The following SETBP1 variants were observed in gnomAD, a reference collection of about 807,000 sequenced individuals.
SETBP1 encodes SET-binding protein.
SETBP1 carries 9 observed loss-of-function variants against 101.0 expected under a neutral mutation model. That is an observed-to-expected ratio of 0.09 (90% CI 0.05 to 0.16). The LOEUF is 0.16. Among genes scored for constraint, SETBP1 ranks in the 10% least tolerant of loss-of-function variants. SETBP1 has a pLI of 1.00. For synonymous variants in SETBP1, 818 were observed against 788.5 expected (o/e 1.04, Z -0.63); for missense variants, 1,858 against 2,033.8 (o/e 0.91, Z 1.66).
At chr18:44,943,557 C>A (rs868558737) in intron 3 of SETBP1, among the ~76,000 whole-genome samples, 3 of 152,238 alleles carry the variant, frequency 2.0e-5, no homozygotes, top group Admixed American at 2.0e-4. Context: ...TCAGGTTCCA[C>A]GTCCAGAATG....
At chr18:44,971,532 C>T (rs1378561567) in intron 4 of SETBP1, among the ~76,000 whole-genome samples, 1 of 152,226 alleles carries the variant, frequency 6.6e-6, no homozygotes, top group African/African-American at 2.4e-5. Flanking sequence ...TCCTCTCCAG[C>T]AACTGTTGTT....
chr18:44,952,958 T>C lies in SETBP1; in HGVS notation c.3618T>C (p.His1206=), dbSNP rs34882016. 14,611 of 1,613,842 alleles carry C rather than the reference T, an allele frequency of 9.1e-3. 87 individuals are homozygous for C. The highest frequency in any genetic ancestry group is 0.011 in the Non-Finnish European group (12,426 of 1,179,980). ...CGCTGGTGAGTGAGAAGAACAAGCA[T>C]AAGGAGAAACAGAAGCACCAGCACA... ...ELPLVSEKNK[H]KEKQKHQHSE... The change falls in exon 4 of 6, where the codon CAT becomes CAC. Residue 1206 remains histidine, a synonymous_variant. Coordinates refer to ENST00000649279, the MANE Select transcript of SETBP1 (RefSeq NM_015559.3).
rs60965207 is a variant in SETBP1, at chr18:45,016,731, GCACACACACACA to G, written c.4001-21729_4001-21718del. On this transcript the variant is annotated intron_variant, in intron 4 of 5. Coordinates refer to ENST00000649279, the MANE Select transcript of SETBP1 (RefSeq NM_015559.3). ...TGTGAGATTATACACATTGGTGCGCGCACACACACACACACACACACACACACACACACACAG... is the reference window on the plus strand; with the variant it reads ...TGTGAGATTATACACATTGGTGCGCGCACACACACACACACACACACACAG... 3.9e-3 allele frequency among the ~76,000 whole-genome samples: 482 copies of G among 122,846 alleles called. 1 individual carries two copies. Among genetic ancestry groups the G allele is most frequent in the African/African-American group, 0.013 (413 of 31,902 alleles). The allele number at this position is 122,846 out of a possible 152,430, so 80.6% of individuals were successfully genotyped here. A position where few individuals can be genotyped will look rare whatever the true frequency, so the allele number is the denominator to read the frequency against.
intron 2 of SETBP1, among the ~76,000 whole-genome samples, chr18:44,824,738 A>G (rs1025875300): frequency 6.6e-6 from 1 of 152,238 alleles, no homozygotes; most frequent in African/African-American, 2.4e-5. Flanking sequence ...ATGCAATTGA[A>G]AAAAAGAAGG....
chr18:44,695,233 GC>G (rs1490380686), intron 1 of SETBP1, among the ~76,000 whole-genome samples: 4 of 152,110 alleles, frequency 2.6e-5, no homozygotes, highest in Non-Finnish European at 5.9e-5. Context: ...TTCGAAAGAA[GC>G]CAGAACCATT....
intron 3 of SETBP1, chr18:44,869,757 G>A: frequency 4.1e-6 from 1 of 245,556 alleles, no homozygotes; most frequent in Non-Finnish European, 8.1e-6. Context: ...GCTGATCTTG[G>A]TCAGGAAATG....
chr18:44,689,226 G>A (rs1038096077), intron 1 of SETBP1, among the ~76,000 whole-genome samples: 7 of 152,178 alleles, frequency 4.6e-5, no homozygotes, highest in Admixed American at 3.3e-4. Context: ...GTTCAAATGC[G>A]AATTGAGAAT....
At chr18:44,765,510 C>T (rs2070747535) in intron 2 of SETBP1, among the ~76,000 whole-genome samples, 1 of 152,090 alleles carries the variant, frequency 6.6e-6, no homozygotes, top group African/African-American at 2.4e-5. Flanking sequence ...TGATAAATGG[C>T]CAGCAACTTC....
At chr18:44,746,285 C>A (rs1466957113) in intron 2 of SETBP1, among the ~76,000 whole-genome samples, 1 of 152,190 alleles carries the variant, frequency 6.6e-6, no homozygotes, top group Non-Finnish European at 1.5e-5. Context: ...ATGATGCCCA[C>A]ATTTCTGTAA....
Position 44,951,158 on chromosome 18 carries a change from C to T in SETBP1, c.1818C>T (p.Ser606=), listed in dbSNP as rs1168220701. The change falls in exon 4 of 6, where the codon TCC becomes TCT. Residue 606 remains serine, a synonymous_variant. Coordinates refer to ENST00000649279, the MANE Select transcript of SETBP1 (RefSeq NM_015559.3). The surrounding 1 kb of genome is among the most constrained non-coding windows in gnomAD (Gnocchi z 7.8). ...TCGAGACGATTCATGAGGGAACTTC[C>T]ACCAGCCCCGTCAGTCCCATCAGCC... is the stretch of plus-strand genomic sequence containing the variant. ...LTVETIHEGT[S]TSPVSPISRE... 1 of 1,614,124 alleles carries T rather than the reference C, an allele frequency of 6.2e-7. No homozygotes were observed. The highest frequency in any genetic ancestry group is 1.3e-5 in the African/African-American group (1 of 75,006).
At chr18:44,994,629 G>A (rs2072451997) in intron 4 of SETBP1, among the ~76,000 whole-genome samples, 1 of 152,062 alleles carries the variant, frequency 6.6e-6, no homozygotes. Flanking sequence ...CTGAACACTG[G>A]ACACAACTTG....
chr18:45,006,793 T>C (rs2072737669), intron 4 of SETBP1, among the ~76,000 whole-genome samples: 1 of 152,188 alleles, frequency 6.6e-6, no homozygotes, highest in African/African-American at 2.4e-5. Context: ...TACATCTTTT[T>C]AGGGGGACAC....
At chr18:44,754,730 G>A (rs1374668271) in intron 2 of SETBP1, among the ~76,000 whole-genome samples, 1 of 152,198 alleles carries the variant, frequency 6.6e-6, no homozygotes, top group African/African-American at 2.4e-5. Flanking sequence ...ACCCACACCA[G>A]TGTGAACTTT....
intron 2 of SETBP1, among the ~76,000 whole-genome samples, chr18:44,854,962 T>G (rs779737871): frequency 4.6e-5 from 7 of 152,202 alleles, no homozygotes; most frequent in Non-Finnish European, 7.3e-5. Flanking sequence ...ACACTTTGAG[T>G]ACTATTCATG....
chr18:44,801,502 G>A (rs902276821), intron 2 of SETBP1, among the ~76,000 whole-genome samples: 34 of 152,252 alleles, frequency 2.2e-4, no homozygotes, highest in African/African-American at 8.2e-4. Context: ...AGTGTGACAT[G>A]AGTACTGTCA....
chr18:44,943,212 TTTAAA>T (rs1251887709), intron 3 of SETBP1, among the ~76,000 whole-genome samples: 1 of 152,228 alleles, frequency 6.6e-6, no homozygotes, highest in Non-Finnish European at 1.5e-5. Flanking sequence ...TCAGTTTTGT[TTTAAA>T]TTAAATGACA....
At chr18:44,827,651 TAG>T (rs1354340137) in intron 2 of SETBP1, among the ~76,000 whole-genome samples, 1 of 152,212 alleles carries the variant, frequency 6.6e-6, no homozygotes, top group Non-Finnish European at 1.5e-5. Context: ...CATTTTCAGC[TAG>T]AGTTAACAAA....
chr18:44,958,257 A>G (rs373630193), intron 4 of SETBP1, among the ~76,000 whole-genome samples: 7 of 152,374 alleles, frequency 4.6e-5, no homozygotes, highest in African/African-American at 1.7e-4. Context: ...TTAGTTGTTC[A>G]ATGAAGTTTG....
At position 44,941,260 on chromosome 18, in the gene SETBP1, A is replaced by G. The variant is rs536755297; in HGVS notation, c.541-8621A>G. ...CAACACCCTGCTAAATTTTTTTTGT[A>G]TTTTTAGTAGACACGGGGTTTTACC... On this transcript the variant is annotated intron_variant, in intron 3 of 5. Transcript: ENST00000649279. 2.5e-3 allele frequency among the ~76,000 whole-genome samples: 384 copies of G among 151,436 alleles called. 2 individuals carry two copies. The highest frequency in any genetic ancestry group is 6.8e-3 in the Middle Eastern group (2 of 294).
Sources: gnomAD v4.1 joint callset for allele counts (sites outside exome capture counted in the v4.1 genomes callset) on GRCh38, gnomAD v4.1.1 for gene constraint, Gnocchi (gnomAD v3.1) non-coding constraint, MANE v1.5 for transcripts, NCBI Gene and HGNC (gene_info 2026-07-23, HGNC 2026-07-21) for gene names.